NPLOC4: variants seen among roughly 807,000 people sequenced by gnomAD.
NPLOC4 encodes the protein NPL4 homolog, ubiquitin recognition factor.
Under a neutral mutation model 80.6 loss-of-function variants are expected in NPLOC4, and 18 were observed. The ratio of observed to expected loss-of-function variants is 0.22; its 90% CI spans 0.15 to 0.33. The LOEUF (loss-of-function observed/expected upper bound fraction) is 0.33, where lower values mean the gene tolerates loss of function less well. Among genes scored for constraint, NPLOC4 ranks in the 10% least tolerant of loss-of-function variants. The probability of loss-of-function intolerance (pLI) is 1.00; values close to 1 mark genes in which losing one functional copy is unlikely to be tolerated. For synonymous variants in NPLOC4, 313 were observed against 301.5 expected (o/e 1.04, Z -0.39); for missense variants, 540 against 786.1 (o/e 0.69, Z 3.74).
rs762257101 is a variant in NPLOC4 at position 81,565,382 on chromosome 17, G to A, written c.1669+123C>T. 8 of 862,416 alleles carry A rather than the reference G, an allele frequency of 9.3e-6. No homozygotes were observed. The South Asian group carries it at 1.1e-4, about 12-fold the overall frequency. The allele number at this position is 862,416 out of a possible 1,614,324, so 53.4% of individuals were successfully genotyped here. On this transcript the variant is annotated intron_variant, in intron 16 of 16. Transcript: ENST00000331134. ...GTCTCTACTCGTTGCATTGCCGATGGCACCTGCCAGGATGCAGCTGGGTGC... is the reference window on the plus strand; with the variant it reads ...GTCTCTACTCGTTGCATTGCCGATGACACCTGCCAGGATGCAGCTGGGTGC...
intron 3 of NPLOC4, among the ~76,000 whole-genome samples, chr17:81,615,109 T>C (rs1220579799): frequency 6.7e-6 from 1 of 150,136 alleles, no homozygotes; most frequent in African/African-American, 2.5e-5. Flanking sequence ...TCTTTTTTTT[T>C]TTTTTTTTGA....
chr17:81,575,787 C>T (rs12949956), intron 12 of NPLOC4, among the ~76,000 whole-genome samples: 58,366 of 152,128 alleles, frequency 0.38, 13,288 homozygotes, highest in Non-Finnish European at 0.52. Flanking sequence ...CTGAGTAAGA[C>T]TCTCCCACCT....
chr17:81,636,936 C>T lies in NPLOC4; in HGVS notation c.-6G>A. 7.3e-7 allele frequency: 1 copy of T among 1,364,622 alleles called. No individual in the cohort carries two copies. The highest frequency in any genetic ancestry group is 9.5e-7 in the Non-Finnish European group (1 of 1,053,544). The allele number at this position is 1,364,622 out of a possible 1,614,324, so 84.5% of individuals were successfully genotyped here. On this transcript the variant is annotated 5_prime_UTR_variant, in exon 1 of 17. Coordinates refer to ENST00000331134, the MANE Select transcript of NPLOC4 (RefSeq NM_017921.4). Reference sequence around the variant, plus strand: ...CTCACGATGCTCTCGGCCATGGCGGCTGCTCCTGCCTCCGGGCTCGAGCCC... The same window carrying T: ...CTCACGATGCTCTCGGCCATGGCGGTTGCTCCTGCCTCCGGGCTCGAGCCC...
chr17:81,612,109 AC>A (rs1283346913), intron 4 of NPLOC4, among the ~76,000 whole-genome samples: 1 of 152,094 alleles, frequency 6.6e-6, no homozygotes, highest in Non-Finnish European at 1.5e-5. Context: ...CAATGAAAAA[AC>A]CTTGTCCCAC....
At chr17:81,614,887 C>G (rs1207167155) in intron 3 of NPLOC4, among the ~76,000 whole-genome samples, 1 of 152,110 alleles carries the variant, frequency 6.6e-6, no homozygotes, top group Admixed American at 6.5e-5. Context: ...GCCAACAAGA[C>G]ACACACACAG....
intron 12 of NPLOC4, among the ~76,000 whole-genome samples, chr17:81,587,748 A>T (rs1406458333): frequency 7.2e-6 from 1 of 139,842 alleles, no homozygotes; most frequent in Non-Finnish European, 1.5e-5. Context: ...ATCTTAATGC[A>T]AGCTCCGCCT....
In NPLOC4 at chr17:81,595,305, G is replaced by T. The variant is rs567299192; in HGVS notation, c.1120+811C>A. Among the ~76,000 whole-genome samples, 4 of 151,606 alleles carry T rather than the reference G, an allele frequency of 2.6e-5. No homozygotes were observed. The East Asian group carries it at 5.9e-4, about 22-fold the overall frequency. On this transcript the variant is annotated intron_variant, in intron 11 of 16. Coordinates refer to ENST00000331134, the MANE Select transcript of NPLOC4 (RefSeq NM_017921.4). Reference sequence around the variant, plus strand: ...AAAAATTAGCCAGGCGTGGTGGTGTGCACTTACAATTCCAGCTACTCTGAA... The same window carrying T: ...AAAAATTAGCCAGGCGTGGTGGTGTTCACTTACAATTCCAGCTACTCTGAA...
Position 81,620,504 on chromosome 17 carries a change from T to A in NPLOC4, c.209+1662A>T, listed in dbSNP as rs1007387102. ...GAGCGAGACTCCGTCTCAAAAAAAA[T>A]AAATAAATAAAAAAATGCAAACCGG... On this transcript the variant is annotated intron_variant, in intron 3 of 16. Transcript: ENST00000331134. Among the ~76,000 whole-genome samples, 9 of 151,518 alleles carry A rather than the reference T, an allele frequency of 5.9e-5. No individual in the cohort carries two copies. In the East Asian group the frequency reaches 9.8e-4, roughly 16 times the overall value.
chr17:81,567,784 A>G lies in NPLOC4; in HGVS notation c.1450-251T>C. 1 of 412,986 alleles carries G rather than the reference A, an allele frequency of 2.4e-6. No homozygotes were observed. The highest frequency in any genetic ancestry group is 2.6e-5 in the South Asian group (1 of 38,476). The allele number at this position is 412,986 out of a possible 1,614,324, so 25.6% of individuals were successfully genotyped here. A position where few individuals can be genotyped will look rare whatever the true frequency, so the allele number is the denominator to read the frequency against. On this transcript the variant is annotated intron_variant, in intron 14 of 16. Coordinates refer to ENST00000331134, the MANE Select transcript of NPLOC4 (RefSeq NM_017921.4). The surrounding 1 kb of genome is among the most constrained non-coding windows in gnomAD (Gnocchi z 4.5). ...CAGATGTGCAAGGAGACATGCTTAT[A>G]AAGCTGACTCAGACTGGCCAGGTGT...
chr17:81,627,979 A>G (rs1370633361), intron 2 of NPLOC4, among the ~76,000 whole-genome samples: 1 of 151,954 alleles, frequency 6.6e-6, no homozygotes, highest in Admixed American at 6.6e-5. Flanking sequence ...TTGGGAGGCC[A>G]AGGCGGGCAG....
At chr17:81,597,675 C>G (rs1048977060) in intron 9 of NPLOC4, among the ~76,000 whole-genome samples, 1 of 151,252 alleles carries the variant, frequency 6.6e-6, no homozygotes, top group Non-Finnish European at 1.5e-5. Context: ...CCCAGCTACT[C>G]AGGAGGCTGA....
At chr17:81,626,570 G>A (rs2035801013) in intron 2 of NPLOC4, among the ~76,000 whole-genome samples, 2 of 152,084 alleles carry the variant, frequency 1.3e-5, no homozygotes, top group Admixed American at 1.3e-4. Context: ...CAGGCACCGC[G>A]GCTCCCGCCT....
intron 9 of NPLOC4, among the ~76,000 whole-genome samples, chr17:81,599,506 A>G (rs551196201): frequency 4.6e-5 from 7 of 152,292 alleles, no homozygotes; most frequent in Non-Finnish European, 8.8e-5. Flanking sequence ...TCCTAAAGAC[A>G]GTAAAACTGT....
chr17:81,589,089 T>C lies in NPLOC4; in HGVS notation c.1136A>G (p.Gln379Arg). 1 of 1,613,188 alleles carries C rather than the reference T, an allele frequency of 6.2e-7. No homozygotes were observed. The highest frequency in any genetic ancestry group is 1.7e-5 in the Admixed American group (1 of 59,840). ...TAVATGGPDN[Q>R]VHFEGYQVSN... ...CACCTGGTACCCTTCAAAGTGGACT[T>C]GGTTGTCAGGACCACCTGCAAGAGA... Residue 379 changes from glutamine to arginine, a missense_variant, in exon 12 of 17, where the codon CAA (glutamine) becomes CGA (arginine). Physicochemically the swap from Gln to Arg is conservative, Grantham distance 43 (BLOSUM62 1). Around this residue, in one of 6 missense-constraint regions of NPLOC4, gnomAD observed 251 missense variants for 377.5 expected, o/e 0.66. Coordinates refer to ENST00000331134, the MANE Select transcript of NPLOC4 (RefSeq NM_017921.4).
intron 12 of NPLOC4, among the ~76,000 whole-genome samples, chr17:81,584,378 G>A (rs1329593428): frequency 6.6e-6 from 1 of 152,140 alleles, no homozygotes; most frequent in African/African-American, 2.4e-5. Context: ...TGACAAAAGG[G>A]AGCTCCATTC....
At position 81,623,850 on chromosome 17, in the gene NPLOC4, C is replaced by T. The variant is rs76360834; in HGVS notation, c.97-1572G>A. ...TTCTGAAACCTAACACAGAATGGTG[C>T]GACTAAATCATAAAACGTCCACTGT... On this transcript the variant is annotated intron_variant, in intron 2 of 16. Coordinates refer to ENST00000331134, the MANE Select transcript of NPLOC4 (RefSeq NM_017921.4). Among the ~76,000 whole-genome samples, 25 of 151,978 alleles carry T rather than the reference C, an allele frequency of 1.6e-4. No individual in the cohort carries two copies. The East Asian group carries it at 4.6e-3, about 28-fold the overall frequency.
chr17:81,586,628 C>T (rs1430063965), intron 12 of NPLOC4, among the ~76,000 whole-genome samples: 2 of 147,390 alleles, frequency 1.4e-5, no homozygotes, highest in East Asian at 3.9e-4. Context: ...AAAAAAGATG[C>T]TTGCAAAAGT....
rs1598618277 is a variant in NPLOC4 at position 81,567,757 on chromosome 17, C to T, written c.1450-224G>A. ...AAGATGCTCTCAGCACACCTGACTA[C>T]CCAGATGTGCAAGGAGACATGCTTA... On this transcript the variant is annotated intron_variant, in intron 14 of 16. Coordinates refer to ENST00000331134, the MANE Select transcript of NPLOC4 (RefSeq NM_017921.4). This position sits in a 1 kb window ranked among gnomAD's most constrained non-coding sequence, Gnocchi z 4.5. Among the ~76,000 whole-genome samples, 2 of 152,202 alleles carry T rather than the reference C, an allele frequency of 1.3e-5. No individual in the cohort carries two copies. The highest frequency in any genetic ancestry group is 4.8e-5 in the African/African-American group (2 of 41,454).
chr17:81,559,507 G>A (rs1180651146), intron 16 of NPLOC4, 91 bp from the exon 17 acceptor site: 4 of 1,404,840 alleles, frequency 2.8e-6, no homozygotes, highest in Non-Finnish European at 3.8e-6. Flanking sequence ...AGGCAGCTGA[G>A]AGCTCCCCGC....
Sources: allele counts gnomAD v4.1 joint callset (sites outside exome capture counted in the v4.1 genomes callset), GRCh38; gene constraint gnomAD v4.1.1; regional missense constraint gnomAD v4.1.1; non-coding constraint Gnocchi (gnomAD v3.1); transcripts MANE v1.5; gene names NCBI Gene and HGNC (gene_info 2026-07-23, HGNC 2026-07-21).